AKAP12: variants seen among roughly 807,000 people sequenced by gnomAD.
The protein encoded by AKAP12 is A-kinase anchor protein 12.
Under a neutral mutation model 79.9 loss-of-function variants are expected in AKAP12, and 32 were observed. The ratio of observed to expected loss-of-function variants is 0.40; its 90% confidence interval spans 0.30 to 0.54. AKAP12 has a LOEUF of 0.54. Among genes scored for constraint, AKAP12 ranks in the 20% least tolerant of loss-of-function variants. AKAP12 has a pLI of 0.48. For synonymous variants in AKAP12, 808 were observed against 857.0 expected (o/e 0.94, Z 1.00); for missense variants, 2,074 against 2,177.0 (o/e 0.95, Z 0.94).
chr6:151,259,203 C>A (rs894300457), intron 2 of AKAP12, among the ~76,000 whole-genome samples: 13 of 151,212 alleles, frequency 8.6e-5, no homozygotes, highest in African/African-American at 3.2e-4. Context: ...TGCCACCACG[C>A]CCCGTTAATT....
intron 3 of AKAP12, among the ~76,000 whole-genome samples, chr6:151,322,154 C>T (rs1230954342): frequency 3.3e-5 from 5 of 152,134 alleles, no homozygotes; most frequent in African/African-American, 7.2e-5. Flanking sequence ...GTGATCTGCC[C>T]ACCTCAGCCT....
At chr6:151,348,216 A>G in intron 3 of AKAP12, 1 of 352,914 alleles carries the variant, frequency 2.8e-6, no homozygotes, top group South Asian at 2.3e-5. Flanking sequence ...AATCCCAGCT[A>G]ATCAGGAGGC....
chr6:151,335,257 A>G (rs1184723627), intron 3 of AKAP12, among the ~76,000 whole-genome samples: 1 of 152,306 alleles, frequency 6.6e-6, no homozygotes, highest in East Asian at 1.9e-4. Context: ...GTCTTCTACA[A>G]TTTATACTGA....
chr6:151,336,573 C>T (rs886245937), intron 3 of AKAP12, among the ~76,000 whole-genome samples: 10 of 152,022 alleles, frequency 6.6e-5, no homozygotes, highest in Non-Finnish European at 1.3e-4. Context: ...GGTGAAACCC[C>T]GTCTCTACTA....
chr6:151,337,678 G>A (rs938370634), intron 3 of AKAP12, among the ~76,000 whole-genome samples: 3 of 151,568 alleles, frequency 2.0e-5, no homozygotes, highest in Admixed American at 2.0e-4. Context: ...CTTTCTTTTT[G>A]TTGGGAAAAC....
rs975589723 is a variant in AKAP12 at position 151,240,547 on chromosome 6, G to A, written c.-16G>A. 30 of 1,431,906 alleles carry A rather than the reference G, an allele frequency of 2.1e-5. No homozygotes were observed. Among genetic ancestry groups the A allele is most frequent in the Middle Eastern group, 2.5e-4 (1 of 4,048 alleles). 88.7% of individuals were successfully genotyped at this position (1,431,906 alleles called of 1,614,324 possible). On this transcript the variant is annotated 5_prime_UTR_variant, in exon 2 of 5. Transcript: ENST00000402676. ...CGTAACCCGGCGGCTAGGCGCGGGA[G>A]AAGTGCGGAGGAGCCATGGGCGCCG...
intron 2 of AKAP12, among the ~76,000 whole-genome samples, chr6:151,248,613 AT>A (rs1461413934): frequency 5.3e-5 from 8 of 152,120 alleles, no homozygotes; most frequent in Non-Finnish European, 1.2e-4. Context: ...AAAGAGTAGC[AT>A]TTTCCTTCAC....
intron 3 of AKAP12, among the ~76,000 whole-genome samples, chr6:151,346,920 T>C (rs1254265031): frequency 1.3e-5 from 2 of 152,218 alleles, no homozygotes; most frequent in African/African-American, 4.8e-5. Flanking sequence ...AAGCGCTCCC[T>C]TCTCCTCATT....
chr6:151,350,793 A>T lies in AKAP12; in HGVS notation c.2402A>T (p.Glu801Val), dbSNP rs748440103. ...HSTPDTEPGKEESWVSIKKFI... is the reference protein window; with the variant it reads ...HSTPDTEPGKVESWVSIKKFI... ...ACTCCAGACACTGAACCCGGTAAAG[A>T]AGAATCCTGGGTCTCAATCAAGAAG... Residue 801 changes from glutamate to valine, a missense_variant, in exon 4 of 5, where the codon GAA becomes GTA. Physicochemically the swap from Glu to Val is moderately radical, Grantham distance 121. This residue lies in a region of AKAP12 where 1,428 missense variants were observed against 1,451.0 expected (regional missense o/e 0.98). Transcript: ENST00000402676. This position sits in a 1 kb window ranked among gnomAD's most constrained non-coding sequence, Gnocchi z 4.8. The T allele has an allele frequency of 5.0e-6, 8 of 1,614,054 alleles. No homozygotes were observed. Among genetic ancestry groups the T allele is most frequent in the Non-Finnish European group, 6.8e-6 (8 of 1,179,960 alleles).
At chr6:151,312,859 C>G in intron 3 of AKAP12, among the ~76,000 whole-genome samples, 1 of 148,602 alleles carries the variant, frequency 6.7e-6, no homozygotes, top group East Asian at 2.0e-4. Flanking sequence ...GGAGGGTGGT[C>G]CATGGCAGGA....
chr6:151,357,760 G>A lies in AKAP12; in HGVS notation c.*2046G>A, dbSNP rs1351253379. The A allele has an allele frequency of 1.4e-5, 2 of 139,550 alleles. No homozygotes were observed. The highest frequency in any genetic ancestry group is 5.3e-5 in the African/African-American group (2 of 37,748). The allele number at this position is 139,550 out of a possible 1,614,324, so 8.6% of individuals were successfully genotyped here. A position where few individuals can be genotyped will look rare whatever the true frequency, so the allele number is the denominator to read the frequency against. On this transcript the variant is annotated 3_prime_UTR_variant, in exon 5 of 5. Coordinates refer to ENST00000402676, the MANE Select transcript of AKAP12 (RefSeq NM_005100.4). Reference sequence around the variant, plus strand: ...AACTGAGATTGAAATCCAAGTGCTGGTTTCTAGTTCTGAACATCAACTAAA... The same window carrying A: ...AACTGAGATTGAAATCCAAGTGCTGATTTCTAGTTCTGAACATCAACTAAA...
chr6:151,304,488 CAAAAAAAAAAAAAAA>C (rs1157088954), intron 2 of AKAP12, among the ~76,000 whole-genome samples: 1,397 of 46,066 alleles, frequency 0.03, 56 homozygotes, highest in Middle Eastern at 0.087. Flanking sequence ...CACTCCATCT[CAAAAAAAAAAAAAAA>C]AAAAAAAAAA....
chr6:151,337,512 GAAAA>G (rs565900855), intron 3 of AKAP12, among the ~76,000 whole-genome samples: 3 of 101,850 alleles, frequency 2.9e-5, no homozygotes, highest in East Asian at 2.5e-4. Context: ...TTTCCGTCTC[GAAAA>G]AAAAAAAAAA....
At chr6:151,310,354 A>G (rs1777066634) in intron 3 of AKAP12, among the ~76,000 whole-genome samples, 3 of 152,014 alleles carry the variant, frequency 2.0e-5, no homozygotes, top group African/African-American at 4.8e-5. Flanking sequence ...ACAAGAGCGA[A>G]ACTCCATCTC....
chr6:151,255,011 G>A (rs1474470708), intron 2 of AKAP12, among the ~76,000 whole-genome samples: 1 of 152,170 alleles, frequency 6.6e-6, no homozygotes, highest in Non-Finnish European at 1.5e-5. Flanking sequence ...TGCTTTAGTT[G>A]TAGGCAAATT....
At chr6:151,309,702 G>A (rs1329724955) in intron 3 of AKAP12, among the ~76,000 whole-genome samples, 3 of 152,148 alleles carry the variant, frequency 2.0e-5, no homozygotes, top group African/African-American at 7.2e-5. Flanking sequence ...ATGTCATTTG[G>A]TGGACTTCTA....
At chr6:151,293,053 C>T (rs766559317) in intron 2 of AKAP12, among the ~76,000 whole-genome samples, 50 of 152,204 alleles carry the variant, frequency 3.3e-4, no homozygotes, top group Non-Finnish European at 5.9e-4. Context: ...CTTGGGATAA[C>T]GCTGGTTTCC....
At chr6:151,263,680 G>A (rs562145692) in intron 2 of AKAP12, among the ~76,000 whole-genome samples, 4 of 152,264 alleles carry the variant, frequency 2.6e-5, no homozygotes, top group African/African-American at 9.6e-5. Flanking sequence ...CTGGGTTCAA[G>A]CAATTTTCCT....
intron 2 of AKAP12, among the ~76,000 whole-genome samples, chr6:151,250,354 C>A (rs1797150091): frequency 6.6e-6 from 1 of 151,738 alleles, no homozygotes; most frequent in Non-Finnish European, 1.5e-5. Context: ...AAAAAGTTAG[C>A]CGGGTGTGGT....
Sources: gnomAD v4.1 joint callset for allele counts (sites outside exome capture counted in the v4.1 genomes callset) on GRCh38, gnomAD v4.1.1 for gene constraint, gnomAD v4.1.1 regional missense constraint, Gnocchi (gnomAD v3.1) non-coding constraint, MANE v1.5 for transcripts, NCBI Gene and HGNC (gene_info 2026-07-23, HGNC 2026-07-21) for gene names.